The following IRAK1BP1 variants were observed in gnomAD, a reference collection of about 807,000 sequenced individuals.
The protein encoded by IRAK1BP1 is interleukin-1 receptor-associated kinase 1-binding protein 1.
A neutral mutation model predicts 28.0 loss-of-function variants in IRAK1BP1; 24 were observed. The ratio of observed to expected loss-of-function variants is 0.86; its 90% CI spans 0.62 to 1.20. IRAK1BP1 has a LOEUF of 1.20. Among genes scored for constraint, IRAK1BP1 ranks in the 50% most tolerant of loss-of-function variants. The probability of loss-of-function intolerance (pLI) is 0.00; values close to 1 mark genes in which losing one functional copy is unlikely to be tolerated. For synonymous variants in IRAK1BP1, 131 were observed against 116.3 expected, an observed-to-expected ratio of 1.13 and a Z score of -0.81; for missense variants, 336 against 316.7, an observed-to-expected ratio of 1.06 and a Z score of -0.46.
the IRAK1BP1 span, chr6:78,969,953 T>G: frequency 7.1e-6 from 11 of 1,542,796 alleles, no homozygotes; most frequent in Non-Finnish European, 9.8e-6. Flanking sequence ...TTAGGTCACA[T>G]ACCTAAAAAT....
chr6:78,884,396 T>C (rs1439207964), intron 1 of IRAK1BP1, among the ~76,000 whole-genome samples: 1 of 152,174 alleles, frequency 6.6e-6, no homozygotes, highest in Admixed American at 6.6e-5. Context: ...AGCTGAAGAT[T>C]TTAATCACTG....
intron 4 of IRAK1BP1, among the ~76,000 whole-genome samples, chr6:78,910,659 G>A (rs6921318): frequency 1.5e-3 from 227 of 152,288 alleles, no homozygotes; most frequent in African/African-American, 5.1e-3. Context: ...AGCCTTTCCT[G>A]GAGTGGCGGC....
At chr6:78,957,078 G>A in the IRAK1BP1 span, 1 of 151,926 alleles carries the variant, frequency 6.6e-6, no homozygotes, top group Non-Finnish European at 1.5e-5. Flanking sequence ...AAAATGCCAT[G>A]GATTTATTTT....
At chr6:78,923,317 A>G (rs1188862878) in intron 4 of IRAK1BP1, among the ~76,000 whole-genome samples, 1 of 152,180 alleles carries the variant, frequency 6.6e-6, no homozygotes, top group African/African-American at 2.4e-5. Flanking sequence ...AGATCCAAAG[A>G]GACAAGGCCT....
At chr6:78,881,356 A>G (rs996835891) in intron 1 of IRAK1BP1, among the ~76,000 whole-genome samples, 4 of 152,184 alleles carry the variant, frequency 2.6e-5, no homozygotes, top group Non-Finnish European at 4.4e-5. Flanking sequence ...GTGGTTAACA[A>G]TCTGTTGGAG....
At chr6:78,919,648 A>G (rs779970802) in intron 4 of IRAK1BP1, among the ~76,000 whole-genome samples, 1 of 152,204 alleles carries the variant, frequency 6.6e-6, no homozygotes, top group Non-Finnish European at 1.5e-5. Context: ...TCAGGAAGAA[A>G]CTGAAACCCT....
intron 4 of IRAK1BP1, among the ~76,000 whole-genome samples, chr6:78,925,860 T>A (rs1411680497): frequency 6.6e-6 from 1 of 152,122 alleles, no homozygotes; most frequent in Non-Finnish European, 1.5e-5. Context: ...TATGCAGCCA[T>A]AATAAAGAAC....
At chr6:78,936,198 G>T (rs1477291475) in intron 4 of IRAK1BP1, 2 of 151,398 alleles carry the variant, frequency 1.3e-5, no homozygotes, top group Non-Finnish European at 3.0e-5. Flanking sequence ...ATCTGCTTGT[G>T]TTTAAACATT....
chr6:78,921,508 G>A (rs1007156226), intron 4 of IRAK1BP1, among the ~76,000 whole-genome samples: 5 of 152,202 alleles, frequency 3.3e-5, no homozygotes, highest in Non-Finnish European at 5.9e-5. Context: ...GCAGGGCATA[G>A]CCAAACAAAA....
chr6:78,978,747 T>G, the IRAK1BP1 span: 1 of 1,528,344 alleles, frequency 6.5e-7, no homozygotes, highest in Non-Finnish European at 9.0e-7. Flanking sequence ...TAAGTAATAA[T>G]CAAAAAAGCA....
chr6:78,957,971 A>G, the IRAK1BP1 span: 1 of 152,230 alleles, frequency 6.6e-6, no homozygotes. Context: ...TGACAGGGGC[A>G]ATATACTGTT....
chr6:78,895,694 T>C (rs1041050025), intron 2 of IRAK1BP1, among the ~76,000 whole-genome samples: 1 of 152,222 alleles, frequency 6.6e-6, no homozygotes, highest in African/African-American at 2.4e-5. Flanking sequence ...CCATTATTTA[T>C]TCCTAGTAAA....
rs2127654747 is a variant in IRAK1BP1, at chr6:78,898,079, TG to T, written c.529del (p.Val177LeufsTer21). The T allele has an allele frequency of 6.2e-7, 1 of 1,610,822 alleles. No homozygotes were observed. The highest frequency in any genetic ancestry group is 2.2e-5 in the East Asian group (1 of 44,810). ...AATTCCTAAGACGGCAAGCCTGTCT[TG>T]TTGCTGTTGAGAATGCGTGGCGCAA... ...VENLRRQACL[V>X]AVENAWRKAQ... On this transcript the variant is annotated frameshift_variant, in exon 4 of 4. Coordinates refer to ENST00000369940, the MANE Select transcript of IRAK1BP1 (RefSeq NM_001010844.4). LOFTEE classifies it high-confidence loss of function.
the IRAK1BP1 span, among the ~76,000 whole-genome samples, chr6:78,975,476 C>T: frequency 5.3e-5 from 8 of 152,184 alleles, no homozygotes; most frequent in South Asian, 2.1e-4. Context: ...GACAGGGATG[C>T]TCTCTCTCAC....
At chr6:78,920,233 A>G (rs914027323) in intron 4 of IRAK1BP1, among the ~76,000 whole-genome samples, 2 of 152,196 alleles carry the variant, frequency 1.3e-5, no homozygotes, top group African/African-American at 2.4e-5. Flanking sequence ...CAGCCTGGCA[A>G]CAGAGCAAGA....
the IRAK1BP1 span, among the ~76,000 whole-genome samples, chr6:78,975,698 G>A: frequency 1.3e-4 from 20 of 152,076 alleles, no homozygotes; most frequent in Admixed American, 6.5e-4. Context: ...AAATCAATGT[G>A]CAAAAATCAC....
At chr6:78,924,389 G>T (rs1164313669) in intron 4 of IRAK1BP1, among the ~76,000 whole-genome samples, 1 of 152,084 alleles carries the variant, frequency 6.6e-6, no homozygotes, top group Non-Finnish European at 1.5e-5. Context: ...TCCCTGAATA[G>T]AGCAATAACA....
At chr6:78,905,488 GT>G (rs1172784507), downstream of IRAK1BP1, among the ~76,000 whole-genome samples, 1 of 152,200 alleles carries the variant, frequency 6.6e-6, no homozygotes, top group Non-Finnish European at 1.5e-5. Flanking sequence ...GAGACATGCA[GT>G]TGAAGAAACA....
downstream of IRAK1BP1, among the ~76,000 whole-genome samples, chr6:78,905,519 G>A (rs1772238230): frequency 6.6e-6 from 1 of 152,230 alleles, no homozygotes; most frequent in Non-Finnish European, 1.5e-5. Flanking sequence ...TTGAAAAATA[G>A]TGTGGCATGA....
Sources: gnomAD v4.1 joint callset for allele counts (sites outside exome capture counted in the v4.1 genomes callset) on GRCh38, gnomAD v4.1.1 for gene constraint, MANE v1.5 for transcripts, NCBI Gene and HGNC (gene_info 2026-07-23, HGNC 2026-07-21) for gene names.